The following SYCP2 variants were observed in gnomAD, a reference collection of about 807,000 sequenced individuals.
SYCP2 encodes the protein synaptonemal complex protein 2.
A neutral mutation model predicts 211.3 loss-of-function variants in SYCP2; 55 were observed. That is an observed-to-expected ratio of 0.26 (90% CI 0.21 to 0.33). The LOEUF is 0.33. Among genes scored for constraint, SYCP2 ranks in the 10% least tolerant of loss-of-function variants. The pLI is 1.00. For synonymous variants in SYCP2, 570 were observed against 555.2 expected, an observed-to-expected ratio of 1.03 and a Z score of -0.37; for missense variants, 1,731 against 1,752.0, an observed-to-expected ratio of 0.99 and a Z score of 0.21.
intron 14 of SYCP2, among the ~76,000 whole-genome samples, chr20:59,910,864 T>C (rs2060308512): frequency 6.6e-6 from 1 of 151,870 alleles, no homozygotes; most frequent in African/African-American, 2.4e-5. Context: ...AATATACTAA[T>C]GGAAACTGTC....
At chr20:59,931,409 T>C (rs1469056364) in intron 2 of SYCP2, among the ~76,000 whole-genome samples, 3 of 152,356 alleles carry the variant, frequency 2.0e-5, no homozygotes, top group Admixed American at 6.5e-5. Flanking sequence ...ATAATCATCA[T>C]AGCCATACAT....
At chr20:59,892,827 C>A in intron 22 of SYCP2, 126 bp from the exon 23 acceptor site, 1 of 824,104 alleles carries the variant, frequency 1.2e-6, no homozygotes, top group Non-Finnish European at 1.8e-6. Flanking sequence ...GGAAATTTAT[C>A]TTATCTTACA....
intron 14 of SYCP2, among the ~76,000 whole-genome samples, chr20:59,910,374 A>ATTTTTTTTTTTTTTTT (rs898302276): frequency 9.2e-5 from 7 of 76,262 alleles, no homozygotes; most frequent in South Asian, 4.2e-4. Flanking sequence ...GTAATTGCTT[A>ATTTTTTTTTTTTTTTT]TTTTTTTTTT....
Position 59,913,855 on chromosome 20 carries a change from C to T in SYCP2, c.830+120G>A, listed in dbSNP as rs1600957597. 5.0e-6 allele frequency: 3 copies of T among 600,242 alleles called. No individual in the cohort carries two copies. In the East Asian group the frequency reaches 9.1e-5, roughly 18 times the overall value. The allele number at this position is 600,242 out of a possible 1,614,324, so 37.2% of individuals were successfully genotyped here. A position where few individuals can be genotyped will look rare whatever the true frequency, so the allele number is the denominator to read the frequency against. ...TTTTAAATTATCTATGCACATTCTA[C>T]ACTCCAACATAGTGTAGAGAACAAG... On this transcript the variant is annotated intron_variant, in intron 12 of 44. Transcript: ENST00000357552.
At chr20:59,893,435 A>G (rs910099167) in intron 21 of SYCP2, 89 bp downstream of exon 21, 1 of 895,388 alleles carries the variant, frequency 1.1e-6, no homozygotes, top group Non-Finnish European at 1.7e-6. Flanking sequence ...TTTCAAATCA[A>G]TGAAAGCCAG....
chr20:59,888,712 T>C (rs943232535), intron 24 of SYCP2, among the ~76,000 whole-genome samples: 1 of 151,946 alleles, frequency 6.6e-6, no homozygotes, highest in African/African-American at 2.4e-5. Context: ...AATAAAACTC[T>C]TTGTTCACAA....
chr20:59,901,937 T>A, intron 15 of SYCP2, 127 bp from the exon 16 acceptor site: 1 of 702,732 alleles, frequency 1.4e-6, no homozygotes, highest in Non-Finnish European at 2.1e-6. Flanking sequence ...GAACAGTGTT[T>A]AAATTAATCA....
intron 18 of SYCP2, among the ~76,000 whole-genome samples, chr20:59,897,500 T>C (rs1255039121): frequency 6.6e-6 from 1 of 152,154 alleles, no homozygotes; most frequent in Admixed American, 6.5e-5. Context: ...AACTTTGGTG[T>C]GCTTAAGACC....
rs1312608655 is a variant in SYCP2, at chr20:59,892,146, C to T, written c.2208G>A (p.Ser736=). Residue 736 remains serine (S), a synonymous_variant, in exon 24 of 45, where the codon TCG becomes TCA. Transcript: ENST00000357552. ...SVLLNKTIEE[S]LIYRKKYILS... is the part of the protein sequence containing the mutation. ...ATATGTATTTCTTCCTATATATCAG[C>T]GATTCTTCAATTGTCTTATTTAGGA... is the stretch of plus-strand genomic sequence containing the variant. 9.3e-6 allele frequency: 15 copies of T among 1,611,848 alleles called. No individual in the cohort carries two copies. The highest frequency in any genetic ancestry group is 2.2e-5 in the East Asian group (1 of 44,790).
At chr20:59,878,765 G>A (rs868070745) in intron 31 of SYCP2, among the ~76,000 whole-genome samples, 1 of 152,036 alleles carries the variant, frequency 6.6e-6, no homozygotes, top group Non-Finnish European at 1.5e-5. Context: ...ACATCACAAT[G>A]TTAATAAGAT....
At chr20:59,919,465 A>G in intron 6 of SYCP2, 28 bp downstream of exon 6, 1 of 1,422,534 alleles carries the variant, frequency 7.0e-7, no homozygotes, top group Non-Finnish European at 9.9e-7. Flanking sequence ...TGCTTTATAA[A>G]TATCAGTGTA....
At chr20:59,908,122 G>A (rs1285756847) in intron 14 of SYCP2, among the ~76,000 whole-genome samples, 2 of 152,086 alleles carry the variant, frequency 1.3e-5, no homozygotes, top group East Asian at 1.9e-4. Context: ...GGTGGTGGGC[G>A]CCTGTAGTTC....
In SYCP2 at chr20:59,865,653, TAAG is replaced by T; in HGVS notation, c.4380-5_4380-3del. On this transcript the variant is annotated splice_region_variant and splice_polypyrimidine_tract_variant and intron_variant, in intron 42 of 44. Coordinates refer to ENST00000357552, the MANE Select transcript of SYCP2 (RefSeq NM_014258.4). ...AATGAAGTTTTCAAAAGATGAAGCC[TAAG>T]AAGTAAAATAATGAGTTAACCTTGT... 6.3e-7 allele frequency: 1 copy of T among 1,589,546 alleles called. No homozygotes were observed. Among genetic ancestry groups the T allele is most frequent in the Non-Finnish European group, 8.6e-7 (1 of 1,167,306 alleles).
At chr20:59,897,194 G>A (rs945916754) in intron 18 of SYCP2, among the ~76,000 whole-genome samples, 2 of 152,086 alleles carry the variant, frequency 1.3e-5, no homozygotes, top group African/African-American at 4.8e-5. Context: ...CTGCATAGAG[G>A]CATAAAAGAG....
chr20:59,909,031 T>C (rs2060267011), intron 14 of SYCP2, among the ~76,000 whole-genome samples: 1 of 152,216 alleles, frequency 6.6e-6, no homozygotes, highest in African/African-American at 2.4e-5. Context: ...ACCTCCCCTC[T>C]CAGGAATATT....
At chr20:59,918,708 T>G (rs1008367849) in intron 7 of SYCP2, among the ~76,000 whole-genome samples, 1 of 152,174 alleles carries the variant, frequency 6.6e-6, no homozygotes, top group African/African-American at 2.4e-5. Context: ...AAAGCCATTT[T>G]CTAATGTGAC....
At chr20:59,910,755 C>T (rs62205069) in intron 14 of SYCP2, among the ~76,000 whole-genome samples, 103,961 of 150,534 alleles carry the variant, frequency 0.69, 37,706 homozygotes, top group African/African-American at 0.92. Context: ...GTTTCTGCCA[C>T]TGAAAGTAAT....
intron 18 of SYCP2, among the ~76,000 whole-genome samples, chr20:59,899,081 G>A (rs1395345138): frequency 6.6e-6 from 1 of 152,102 alleles, no homozygotes; most frequent in Non-Finnish European, 1.5e-5. Context: ...GATTTTTCAG[G>A]TATCTCATAG....
At chr20:59,899,236 G>C (rs1454696589) in intron 18 of SYCP2, among the ~76,000 whole-genome samples, 1 of 152,112 alleles carries the variant, frequency 6.6e-6, no homozygotes, top group Non-Finnish European at 1.5e-5. Context: ...CTTGGTTCCA[G>C]ATATAAGGGG....
Sources: allele counts gnomAD v4.1 joint callset (sites outside exome capture counted in the v4.1 genomes callset), GRCh38; gene constraint gnomAD v4.1.1; transcripts MANE v1.5; gene names NCBI Gene and HGNC (gene_info 2026-07-23, HGNC 2026-07-21).